Variants in ARMC9 observed in about 807,000 individuals in gnomAD.
The protein encoded by ARMC9 is lisH domain-containing protein ARMC9.
In ARMC9, 94 loss-of-function variants were observed where a neutral mutation model predicts 107.0. The observed-to-expected ratio is 0.88, with a 90% CI of 0.74 to 1.04. ARMC9 has a LOEUF of 1.04. ARMC9 is among the 50% of genes least tolerant of loss of function. ARMC9 has a pLI of 0.00. For synonymous variants in ARMC9, 380 were observed against 396.9 expected, an observed-to-expected ratio of 0.96 and a Z score of 0.51; for missense variants, 942 against 1,030.1, an observed-to-expected ratio of 0.91 and a Z score of 1.17.
At chr2:231,342,210 G>A (rs1425208047) in intron 20 of ARMC9, among the ~76,000 whole-genome samples, 2 of 152,218 alleles carry the variant, frequency 1.3e-5, no homozygotes, top group Admixed American at 6.5e-5. Context: ...CACTGAAGCC[G>A]CTCCACTGAG....
intron 16 of ARMC9, 118 bp downstream of exon 16, chr2:231,278,576 T>C: frequency 1.2e-6 from 1 of 823,780 alleles, no homozygotes; most frequent in Non-Finnish European, 2.0e-6. Context: ...AAACTGTACA[T>C]GTTCTCTGTC....
intron 19 of ARMC9, among the ~76,000 whole-genome samples, chr2:231,305,531 T>G (rs1337126754): frequency 6.6e-6 from 1 of 152,260 alleles, no homozygotes; most frequent in African/African-American, 2.4e-5. Context: ...CATTCACGTT[T>G]ACAGCTTCAT....
rs527289197 is a variant in ARMC9 at position 231,256,823 on chromosome 2, TTTTG to T, written c.914+215_914+218del. Among the ~76,000 whole-genome samples the T allele has an allele frequency of 2.6e-4, 40 of 152,342 alleles. 1 individual carries two copies. In the South Asian group the frequency reaches 2.7e-3, roughly 10 times the overall value. ...TTATTTTTTATTGCCTGTGTGGTTT[TTTTG>T]TTTGTTTGTTTTTTTGAGACAGAGT... On this transcript the variant is annotated intron_variant, in intron 10 of 24. Coordinates refer to ENST00000611582, the MANE Select transcript of ARMC9 (RefSeq NM_001352754.2).
chr2:231,307,613 T>C (rs987502432), intron 19 of ARMC9, among the ~76,000 whole-genome samples: 7 of 152,044 alleles, frequency 4.6e-5, no homozygotes, highest in African/African-American at 1.7e-4. Context: ...TAGTCTCATC[T>C]CCCTCTCCTC....
intron 20 of ARMC9, among the ~76,000 whole-genome samples, chr2:231,332,098 G>A (rs1490141894): frequency 6.6e-6 from 1 of 152,228 alleles, no homozygotes; most frequent in Non-Finnish European, 1.5e-5. Flanking sequence ...GTAGACAGGT[G>A]TACGGATTGG....
At chr2:231,277,074 C>G (rs1466737322) in intron 15 of ARMC9, among the ~76,000 whole-genome samples, 1 of 152,070 alleles carries the variant, frequency 6.6e-6, no homozygotes, top group African/African-American at 2.4e-5. Flanking sequence ...GAATATGATC[C>G]CCTTTTCTGA....
intron 9 of ARMC9, among the ~76,000 whole-genome samples, chr2:231,241,991 C>A (rs1213387584): frequency 2.0e-5 from 3 of 152,144 alleles, no homozygotes; most frequent in Non-Finnish European, 4.4e-5. Flanking sequence ...AACATATGTG[C>A]TGCATATGCA....
In ARMC9 at chr2:231,206,259, T is replaced by C; in HGVS notation, c.21T>C (p.His7=). The C allele has an allele frequency of 1.2e-6, 2 of 1,613,888 alleles. No individual in the cohort carries two copies. Among genetic ancestry groups the C allele is most frequent in the Non-Finnish European group, 1.7e-6 (2 of 1,179,748 alleles). MGDILA[H]ESELLGLVKE... ...TCAATATGGGGGACATTCTGGCTCATGAATCTGAATTACTTGGACTAGTGA... is the reference window on the plus strand; with the variant it reads ...TCAATATGGGGGACATTCTGGCTCACGAATCTGAATTACTTGGACTAGTGA... The change falls in exon 2 of 25, where the codon CAT becomes CAC. Residue 7 remains histidine, a synonymous_variant. Transcript: ENST00000611582.
chr2:231,280,191 C>T (rs776828541), intron 16 of ARMC9, among the ~76,000 whole-genome samples: 21 of 152,304 alleles, frequency 1.4e-4, no homozygotes, highest in Admixed American at 4.6e-4. Context: ...CGGTGGCTTA[C>T]GCCTGTAATC....
intron 15 of ARMC9, among the ~76,000 whole-genome samples, chr2:231,277,224 G>A (rs1269979011): frequency 6.6e-6 from 1 of 152,148 alleles, no homozygotes; most frequent in Non-Finnish European, 1.5e-5. Flanking sequence ...GTGGGCACAA[G>A]TCATTTATAT....
rs796297476 is a variant in ARMC9, at chr2:231,256,335, C to T, written c.880-251C>T. The T allele has an allele frequency of 1.6e-5, 24 of 1,525,246 alleles. No individual in the cohort carries two copies. The African/African-American group carries it at 2.6e-4, about 16-fold the overall frequency. The allele number at this position is 1,525,246 out of a possible 1,614,324, so 94.5% of individuals were successfully genotyped here. On this transcript the variant is annotated intron_variant, in intron 9 of 24. Transcript: ENST00000611582. ...TGCTTGCTCGCTGGGTCTTGGATGTCGGGTTCGACCACTTGGCCGATGGGA... is the reference window on the plus strand; with the variant it reads ...TGCTTGCTCGCTGGGTCTTGGATGTTGGGTTCGACCACTTGGCCGATGGGA...
intron 5 of ARMC9, among the ~76,000 whole-genome samples, chr2:231,218,282 G>T (rs184726518): frequency 2.0e-5 from 3 of 152,050 alleles, no homozygotes; most frequent in East Asian, 1.9e-4. Context: ...GAAGGTTGAA[G>T]AAAAAAGTGG....
intron 19 of ARMC9, among the ~76,000 whole-genome samples, chr2:231,305,866 T>G (rs983355053): frequency 1.3e-5 from 2 of 152,208 alleles, no homozygotes; most frequent in Admixed American, 1.3e-4. Flanking sequence ...TTCTCACTTT[T>G]AAAGAACTCA....
At chr2:231,354,170 G>A (rs2045232630) in intron 21 of ARMC9, among the ~76,000 whole-genome samples, 1 of 148,916 alleles carries the variant, frequency 6.7e-6, no homozygotes, top group Non-Finnish European at 1.5e-5. Context: ...GGTGGCTCAC[G>A]CCTGTAATCC....
At chr2:231,263,579 A>C (rs2038586063) in intron 12 of ARMC9, among the ~76,000 whole-genome samples, 1 of 152,216 alleles carries the variant, frequency 6.6e-6, no homozygotes, top group South Asian at 2.1e-4. Flanking sequence ...CTACATTGGC[A>C]ATTAAATGTC....
intron 19 of ARMC9, among the ~76,000 whole-genome samples, chr2:231,316,206 A>G (rs1269689203): frequency 1.3e-5 from 2 of 151,228 alleles, no homozygotes; most frequent in Non-Finnish European, 2.9e-5. Flanking sequence ...CTCCACCTAC[A>G]TATTTACCAT....
intron 20 of ARMC9, among the ~76,000 whole-genome samples, chr2:231,335,817 G>C (rs1209365589): frequency 1.3e-5 from 2 of 152,146 alleles, no homozygotes; most frequent in African/African-American, 4.8e-5. Flanking sequence ...TGGCTGACGC[G>C]TGTGATTCCA....
intron 10 of ARMC9, among the ~76,000 whole-genome samples, chr2:231,258,485 A>G (rs1348444107): frequency 6.6e-6 from 1 of 151,868 alleles, no homozygotes; most frequent in Non-Finnish European, 1.5e-5. Flanking sequence ...CCGGCCCCCG[A>G]CTGCTTACTC....
chr2:231,241,195 T>C (rs1335230733), intron 9 of ARMC9, among the ~76,000 whole-genome samples: 74 of 114,722 alleles, frequency 6.5e-4, no homozygotes, highest in South Asian at 1.7e-3. Context: ...CAAGACTTAG[T>C]CTCAAAAAAA....
Sources: allele counts gnomAD v4.1 joint callset (sites outside exome capture counted in the v4.1 genomes callset), GRCh38; gene constraint gnomAD v4.1.1; transcripts MANE v1.5; gene names NCBI Gene and HGNC (gene_info 2026-07-23, HGNC 2026-07-21).